Variants in UST observed in about 807,000 individuals in gnomAD.
The protein encoded by UST is chondroitin sulfate 2-O-sulfotransferase.
UST carries 21 observed loss-of-function variants against 45.6 expected under a neutral mutation model. The observed-to-expected ratio is 0.46, with a 90% confidence interval of 0.33 to 0.66. The LOEUF (loss-of-function observed/expected upper bound fraction) is 0.66, where lower values mean the gene tolerates loss of function less well. Among genes scored for constraint, UST ranks in the 30% least tolerant of loss-of-function variants. UST has a pLI of 0.02. For missense variants in UST, 463 were observed against 512.4 expected, an observed-to-expected ratio of 0.90 and a Z score of 0.93; for synonymous variants, 215 against 200.6, an observed-to-expected ratio of 1.07 and a Z score of -0.61.
At chr6:148,855,573 T>C (rs1210832878) in intron 1 of UST, among the ~76,000 whole-genome samples, 7 of 152,254 alleles carry the variant, frequency 4.6e-5, no homozygotes, top group Admixed American at 4.6e-4. Context: ...GAAAATTAAA[T>C]GGTAGTTTCC....
At chr6:148,850,626 T>C (rs938351373) in intron 1 of UST, among the ~76,000 whole-genome samples, 1 of 152,154 alleles carries the variant, frequency 6.6e-6, no homozygotes, top group Admixed American at 6.6e-5. Flanking sequence ...ACACCAAAAG[T>C]TGCAGGAATG....
At chr6:148,971,479 G>A (rs1377449056) in intron 5 of UST, among the ~76,000 whole-genome samples, 1 of 152,138 alleles carries the variant, frequency 6.6e-6, no homozygotes, top group Non-Finnish European at 1.5e-5. Context: ...TAGGATGTAG[G>A]CTGCATCCTA....
chr6:149,038,247 T>G (rs9377189), intron 7 of UST, among the ~76,000 whole-genome samples: 6,152 of 151,320 alleles, frequency 0.041, 294 homozygotes, highest in African/African-American at 0.1. Context: ...CTGCAAAATA[T>G]GTTGAAGTCC....
intron 1 of UST, among the ~76,000 whole-genome samples, chr6:148,832,182 GGTTT>G (rs1777701308): frequency 6.6e-6 from 1 of 152,142 alleles, no homozygotes; most frequent in African/African-American, 2.4e-5. Context: ...GTAGAGACAG[GGTTT>G]CGCCATGTTG....
intron 3 of UST, among the ~76,000 whole-genome samples, chr6:148,945,198 G>C (rs1203785378): frequency 1.3e-5 from 2 of 152,132 alleles, no homozygotes; most frequent in Non-Finnish European, 2.9e-5. Context: ...TGAACTTTTT[G>C]GACCTAAAAA....
At chr6:148,758,588 G>A (rs142157029) in intron 1 of UST, among the ~76,000 whole-genome samples, 31 of 152,258 alleles carry the variant, frequency 2.0e-4, no homozygotes, top group African/African-American at 5.8e-4. Flanking sequence ...AAACTACCAC[G>A]TCCAGTAGTA....
At chr6:148,824,150 C>T (rs1273739759) in intron 1 of UST, among the ~76,000 whole-genome samples, 1 of 152,192 alleles carries the variant, frequency 6.6e-6, no homozygotes, top group Non-Finnish European at 1.5e-5. Flanking sequence ...GTGTATTTAG[C>T]TTCATGAACT....
rs570034536 is a variant in UST, at chr6:148,941,583, A to C, written c.447+149A>C. On this transcript the variant is annotated intron_variant, in intron 3 of 7. Coordinates refer to ENST00000367463, the MANE Select transcript of UST (RefSeq NM_005715.3). ...TGTATTTTTGCCAGAGTGTGGAAGG[A>C]AATTTAAGTTAAGGGTTCCATAAGA... The C allele has an allele frequency of 3.0e-5, 28 of 923,276 alleles. No individual in the cohort carries two copies. In the South Asian group the frequency reaches 4.1e-4, roughly 14 times the overall value. The allele number at this position is 923,276 out of a possible 1,614,324, so 57.2% of individuals were successfully genotyped here. A position where few individuals can be genotyped will look rare whatever the true frequency, so the allele number is the denominator to read the frequency against.
chr6:148,957,298 T>C (rs569859839), intron 4 of UST, among the ~76,000 whole-genome samples: 1 of 152,340 alleles, frequency 6.6e-6, no homozygotes, highest in East Asian at 1.9e-4. Flanking sequence ...TATGACAAGA[T>C]TATGATTGTT....
chr6:149,051,742 TG>T (rs770201948), intron 7 of UST, among the ~76,000 whole-genome samples: 30 of 152,210 alleles, frequency 2.0e-4, no homozygotes, highest in East Asian at 1.5e-3. Context: ...GCAGTGGCGA[TG>T]GGGGGGTGTC....
intron 5 of UST, among the ~76,000 whole-genome samples, chr6:148,994,430 A>G (rs1781411747): frequency 6.6e-6 from 1 of 152,338 alleles, no homozygotes; most frequent in Admixed American, 6.5e-5. Flanking sequence ...TGATAATCCA[A>G]AGAGCCTCTC....
At chr6:148,757,369 C>G (rs1457040754) in intron 1 of UST, among the ~76,000 whole-genome samples, 3 of 152,186 alleles carry the variant, frequency 2.0e-5, no homozygotes, top group African/African-American at 7.2e-5. Flanking sequence ...TGCAGAATAG[C>G]TGTTATTTCT....
intron 5 of UST, among the ~76,000 whole-genome samples, chr6:148,985,854 C>T (rs146392424): frequency 1.8e-3 from 271 of 152,228 alleles, no homozygotes; most frequent in Non-Finnish European, 3.0e-3. Flanking sequence ...ACCTAAAGGG[C>T]TTCTTCAAGA....
chr6:148,815,479 C>T (rs923633459), intron 1 of UST, among the ~76,000 whole-genome samples: 7 of 152,076 alleles, frequency 4.6e-5, no homozygotes, highest in Non-Finnish European at 8.8e-5. Context: ...GCCTCTGCCC[C>T]ACTCCCCTGC....
At chr6:148,999,281 G>A (rs533199319) in intron 5 of UST, among the ~76,000 whole-genome samples, 1 of 152,210 alleles carries the variant, frequency 6.6e-6, no homozygotes, top group East Asian at 1.9e-4. Flanking sequence ...GACTTCCATG[G>A]TGATTTGCTA....
At position 148,748,645 on chromosome 6, in the gene UST, A is replaced by T. The variant is rs954897498; in HGVS notation, c.247+968A>T. Among the ~76,000 whole-genome samples the T allele has an allele frequency of 2.6e-5, 4 of 152,222 alleles. No homozygotes were observed. The highest frequency in any genetic ancestry group is 5.9e-5 in the Non-Finnish European group (4 of 68,016). ...GATGCTGGCACTCGCGTTCGAGCCA[A>T]GGGAGGATGCAGATCCCTCCCAAGT... On this transcript the variant is annotated intron_variant, in intron 1 of 7. Coordinates refer to ENST00000367463, the MANE Select transcript of UST (RefSeq NM_005715.3). This position sits in a 1 kb window ranked among gnomAD's most constrained non-coding sequence, Gnocchi z 5.3.
intron 1 of UST, among the ~76,000 whole-genome samples, chr6:148,796,887 C>T (rs368547083): frequency 2.1e-5 from 3 of 141,830 alleles, no homozygotes; most frequent in East Asian, 4.3e-4. Flanking sequence ...GCTGCAACCT[C>T]TGCCTCCCCA....
chr6:148,810,163 G>A (rs1023452222), intron 1 of UST, among the ~76,000 whole-genome samples: 6 of 152,200 alleles, frequency 3.9e-5, no homozygotes, highest in African/African-American at 1.4e-4. Context: ...TCTGACCACA[G>A]TATTGAACAT....
chr6:149,073,785 T>C (rs891733350), intron 7 of UST, 48 bp from the exon 8 acceptor site: 7 of 1,592,588 alleles, frequency 4.4e-6, no homozygotes, highest in Admixed American at 1.7e-5. Context: ...GGATCCCTTC[T>C]AAGCTACTGC....
Sources: gnomAD v4.1 joint callset for allele counts (sites outside exome capture counted in the v4.1 genomes callset) on GRCh38, gnomAD v4.1.1 for gene constraint, Gnocchi (gnomAD v3.1) non-coding constraint, MANE v1.5 for transcripts, NCBI Gene and HGNC (gene_info 2026-07-23, HGNC 2026-07-21) for gene names.